TTC7B: variants seen among roughly 807,000 people sequenced by gnomAD.
TTC7B encodes the protein tetratricopeptide repeat domain 7B.
TTC7B carries 28 observed loss-of-function variants against 106.8 expected under a neutral mutation model. The ratio of observed to expected loss-of-function variants is 0.26; its 90% CI spans 0.19 to 0.36. TTC7B has a LOEUF of 0.36. Ranked by LOEUF, TTC7B falls within the 10% of genes least tolerant of loss-of-function variation. The probability of loss-of-function intolerance (pLI) is 1.00; values close to 1 mark genes in which losing one functional copy is unlikely to be tolerated. For missense variants in TTC7B, 862 were observed against 1,076.4 expected, an observed-to-expected ratio of 0.80 and a Z score of 2.79; for synonymous variants, 405 against 430.6, an observed-to-expected ratio of 0.94 and a Z score of 0.74.
At chr14:90,658,557 G>GGAT (rs1178319866) in intron 9 of TTC7B, among the ~76,000 whole-genome samples, 170 bp from the exon 10 acceptor site, 35 of 152,204 alleles carry the variant, frequency 2.3e-4, no homozygotes, top group Admixed American at 2.3e-3. Context: ...TCCCCACACA[G>GGAT]GATGATGCAC....
At chr14:90,614,764 T>C (rs1893003200) in intron 16 of TTC7B, among the ~76,000 whole-genome samples, 1 of 152,242 alleles carries the variant, frequency 6.6e-6, no homozygotes, top group African/African-American at 2.4e-5. Flanking sequence ...AGATAACACA[T>C]CAGTGGCCTA....
rs1889140293 is a variant in TTC7B, at chr14:90,525,982, A to AT, written c.*15385dup. The AT allele has an allele frequency of 7.0e-6, 1 of 142,598 alleles. No individual in the cohort carries two copies. Among genetic ancestry groups the AT allele is most frequent in the Admixed American group, 6.8e-5 (1 of 14,688 alleles). The allele number at this position is 142,598 out of a possible 1,614,324, so 8.8% of individuals were successfully genotyped here. A position where few individuals can be genotyped will look rare whatever the true frequency, so the allele number is the denominator to read the frequency against. The stretch of plus-strand genomic sequence containing the variant: ...TAAAAAATAAAAAAAAATAAAAAAA[A>AT]TAAAAAAAAAAAAGAAGTCTTTGTA... On this transcript the variant is annotated 3_prime_UTR_variant, in exon 20 of 20. Transcript: ENST00000328459.
chr14:90,556,787 C>T (rs1312672254), intron 19 of TTC7B, among the ~76,000 whole-genome samples: 3 of 152,184 alleles, frequency 2.0e-5, no homozygotes, highest in Non-Finnish European at 4.4e-5. Context: ...ATGCAGGCAT[C>T]AGGGATACTC....
At chr14:90,664,668 A>G (rs1038391997) in intron 9 of TTC7B, among the ~76,000 whole-genome samples, 3 of 152,214 alleles carry the variant, frequency 2.0e-5, no homozygotes, top group Non-Finnish European at 1.5e-5. Flanking sequence ...GGGGCATATA[A>G]GAGAGTGCTT....
chr14:90,733,482 C>T (rs1379425483), intron 4 of TTC7B, among the ~76,000 whole-genome samples: 1 of 152,228 alleles, frequency 6.6e-6, no homozygotes, highest in African/African-American at 2.4e-5. Context: ...CTTGGAGGGA[C>T]TAGCATAGCT....
Position 90,563,978 on chromosome 14 carries a change from A to C in TTC7B, c.2310+14128T>G, listed in dbSNP as rs1017735515. On this transcript the variant is annotated intron_variant, in intron 19 of 19. Coordinates refer to ENST00000328459, the MANE Select transcript of TTC7B (RefSeq NM_001010854.2). Reference sequence around the variant, plus strand: ...TCCAACAAAGTCTTGACCCCCTCAAAGTCATCCATGAGGGTCAGAATCAAT... The same window carrying C: ...TCCAACAAAGTCTTGACCCCCTCAACGTCATCCATGAGGGTCAGAATCAAT... Among the ~76,000 whole-genome samples, 4 of 151,982 alleles carry C rather than the reference A, an allele frequency of 2.6e-5. No homozygotes were observed. The East Asian group carries it at 5.8e-4, about 22-fold the overall frequency.
At position 90,577,572 on chromosome 14, in the gene TTC7B, C is replaced by A. The variant is rs1260943129; in HGVS notation, c.2310+534G>T. Among the ~76,000 whole-genome samples the A allele has an allele frequency of 6.6e-6, 1 of 152,182 alleles. No homozygotes were observed. Among genetic ancestry groups the A allele is most frequent in the Non-Finnish European group, 1.5e-5 (1 of 68,006 alleles). On this transcript the variant is annotated intron_variant, in intron 19 of 19. Transcript: ENST00000328459. This position sits in a 1 kb window ranked among gnomAD's most constrained non-coding sequence, Gnocchi z 5.0. ...GACACTAGGGTGACTCATCTGCCTCCCACCTCTCAGGGCAACATGGCCAGA... is the reference window on the plus strand; with the variant it reads ...GACACTAGGGTGACTCATCTGCCTCACACCTCTCAGGGCAACATGGCCAGA...
chr14:90,782,418 G>T (rs939874904), intron 2 of TTC7B, among the ~76,000 whole-genome samples: 3 of 152,142 alleles, frequency 2.0e-5, no homozygotes, highest in Admixed American at 1.3e-4. Flanking sequence ...GGCCAACATG[G>T]TGAAACCCCA....
intron 2 of TTC7B, 77 bp from the exon 3 acceptor site, chr14:90,780,983 G>C: frequency 7.2e-7 from 1 of 1,385,894 alleles, no homozygotes. Flanking sequence ...CTGGCCAGCT[G>C]CTGCCGTAAA....
chr14:90,555,409 G>C (rs929843286), intron 19 of TTC7B, among the ~76,000 whole-genome samples: 4 of 151,250 alleles, frequency 2.6e-5, no homozygotes, highest in Admixed American at 2.6e-4. Flanking sequence ...ACCTAGGGAA[G>C]GGGGGGGTGT....
intron 3 of TTC7B, among the ~76,000 whole-genome samples, chr14:90,749,211 G>C (rs892840617): frequency 6.6e-6 from 1 of 151,990 alleles, no homozygotes; most frequent in Non-Finnish European, 1.5e-5. Flanking sequence ...GAAGTGCTTG[G>C]GCTTTGTTGA....
intron 15 of TTC7B, among the ~76,000 whole-genome samples, chr14:90,628,083 C>CT (rs771950146): frequency 3.9e-5 from 6 of 152,222 alleles, no homozygotes; most frequent in Non-Finnish European, 8.8e-5. Flanking sequence ...GGTGTTAGGG[C>CT]TGGGGGCCTG....
intron 5 of TTC7B, among the ~76,000 whole-genome samples, chr14:90,720,583 G>A (rs557205438): frequency 3.3e-5 from 5 of 152,288 alleles, no homozygotes; most frequent in Admixed American, 3.3e-4. Flanking sequence ...CCCATCCAGA[G>A]CATGAGCAAG....
At chr14:90,652,190 C>T (rs1461159894) in intron 13 of TTC7B, among the ~76,000 whole-genome samples, 1 of 152,182 alleles carries the variant, frequency 6.6e-6, no homozygotes, top group Non-Finnish European at 1.5e-5. Flanking sequence ...ACTCCTGCGC[C>T]TCAGTCCCTG....
At chr14:90,711,565 G>A (rs1283525588) in intron 5 of TTC7B, among the ~76,000 whole-genome samples, 2 of 152,136 alleles carry the variant, frequency 1.3e-5, no homozygotes, top group Non-Finnish European at 2.9e-5. Flanking sequence ...GGGATTACAG[G>A]TGCCCACCAC....
At chr14:90,764,797 A>C (rs144729245) in intron 3 of TTC7B, among the ~76,000 whole-genome samples, 3 of 152,332 alleles carry the variant, frequency 2.0e-5, no homozygotes, top group Non-Finnish European at 4.4e-5. Context: ...TATAATCAAA[A>C]AGACAGATAA....
intron 4 of TTC7B, among the ~76,000 whole-genome samples, chr14:90,737,383 GT>G (rs1889576210): frequency 6.6e-6 from 1 of 152,056 alleles, no homozygotes; most frequent in Non-Finnish European, 1.5e-5. Context: ...ATATCAATTG[GT>G]GAATGGATAA....
At chr14:90,547,594 G>A (rs997512507) in intron 19 of TTC7B, among the ~76,000 whole-genome samples, 2 of 152,218 alleles carry the variant, frequency 1.3e-5, no homozygotes, top group Non-Finnish European at 1.5e-5. Context: ...CTGGGAGTTC[G>A]AGACCGACCT....
chr14:90,527,222 A>G lies in TTC7B; in HGVS notation c.*14146T>C, dbSNP rs1276997963. 2.7e-4 allele frequency: 41 copies of G among 151,544 alleles called. No individual in the cohort carries two copies. Among genetic ancestry groups the G allele is most frequent in the Admixed American group, 2.7e-3 (41 of 15,222 alleles). The allele number at this position is 151,544 out of a possible 1,614,324, so 9.4% of individuals were successfully genotyped here. ...TCACTGGGAATGCTGACCTTCATTG[A>G]CTGGTGAAGGTGATGTCCTGCCAGG... On this transcript the variant is annotated 3_prime_UTR_variant, in exon 20 of 20. Coordinates refer to ENST00000328459, the MANE Select transcript of TTC7B (RefSeq NM_001010854.2).
Sources: allele counts gnomAD v4.1 joint callset (sites outside exome capture counted in the v4.1 genomes callset), GRCh38; gene constraint gnomAD v4.1.1; non-coding constraint Gnocchi (gnomAD v3.1); transcripts MANE v1.5; gene names NCBI Gene and HGNC (gene_info 2026-07-23, HGNC 2026-07-21).